Variants in PCDHB6 observed in about 807,000 individuals in gnomAD.
PCDHB6 encodes protocadherin beta-6.
For synonymous variants in PCDHB6, 506 were observed against 459.0 expected, an observed-to-expected ratio of 1.10 and a Z score of -1.31; for missense variants, 1,137 against 1,010.1, an observed-to-expected ratio of 1.13 and a Z score of -1.70.
In PCDHB6 at chr5:141,150,767, A is replaced by C. The variant is rs782671202; in HGVS notation, c.510A>C (p.Thr170=). The part of the protein sequence containing the change: ...DTGSNGLQRY[T]ISSNPHFHVL... The stretch of plus-strand genomic sequence containing the variant: ...GCAGCAACGGCCTTCAGAGGTACAC[A>C]ATCAGCTCCAACCCTCACTTCCACG... The change falls in exon 1 of 1, where the codon ACA becomes ACC. Residue 170 remains threonine, a synonymous_variant. Coordinates refer to ENST00000231136, the MANE Select transcript of PCDHB6 (RefSeq NM_018939.4). 2 of 1,614,220 alleles carry C rather than the reference A, an allele frequency of 1.2e-6. No homozygotes were observed. The highest frequency in any genetic ancestry group is 2.2e-5 in the South Asian group (2 of 91,088).
chr5:141,151,232 A>G lies in PCDHB6; in HGVS notation c.975A>G (p.Leu325=), dbSNP rs1752852002. 2 of 1,614,196 alleles carry G rather than the reference A, an allele frequency of 1.2e-6. No homozygotes were observed. The highest frequency in any genetic ancestry group is 2.7e-5 in the African/African-American group (2 of 75,052). ...VDVEATDGGG[L]SGKCSLVVRV... is the part of the protein sequence containing the mutation. The stretch of plus-strand genomic sequence containing the variant: ...TTGAGGCTACAGATGGTGGAGGCCT[A>G]TCAGGAAAATGCTCTTTAGTCGTCA... Residue 325 remains leucine, a synonymous_variant, in exon 1 of 1, where the codon CTA becomes CTG. Transcript: ENST00000231136.
In PCDHB6 at chr5:141,151,820, C is replaced by T; in HGVS notation, c.1563C>T (p.Ala521=). Residue 521 remains alanine, a synonymous_variant, in exon 1 of 1, where the codon GCC becomes GCT. Coordinates refer to ENST00000231136, the MANE Select transcript of PCDHB6 (RefSeq NM_018939.4). ...LFALRSLDYE[A]LQSFEFRVGA... The stretch of plus-strand genomic sequence containing the variant: ...CCCTCAGGTCGCTGGACTACGAGGC[C>T]CTGCAGTCTTTCGAGTTCCGCGTGG... 1 of 1,612,996 alleles carries T rather than the reference C, an allele frequency of 6.2e-7. No individual in the cohort carries two copies. The highest frequency in any genetic ancestry group is 1.1e-5 in the South Asian group (1 of 91,034).
rs782762909 is a variant in PCDHB6, at chr5:141,152,120, G to A, written c.1863G>A (p.Glu621=). Reference sequence around the variant, plus strand: ...TCGGCGTGTGGGCGCACAATGGCGAGGTGCGCACCGCCAGGCTGCTGAGCG... The same window carrying A: ...TCGGCGTGTGGGCGCACAATGGCGAAGTGCGCACCGCCAGGCTGCTGAGCG... ...GLFGVWAHNG[E]VRTARLLSER... The change falls in exon 1 of 1, where the codon GAG becomes GAA. Residue 621 remains glutamate, a synonymous_variant. Coordinates refer to ENST00000231136, the MANE Select transcript of PCDHB6 (RefSeq NM_018939.4). The A allele has an allele frequency of 7.5e-6, 12 of 1,607,204 alleles. No individual in the cohort carries two copies. The highest frequency in any genetic ancestry group is 2.2e-5 in the East Asian group (1 of 44,856).
rs782160312 is a variant in PCDHB6 at position 141,151,426 on chromosome 5, T to C, written c.1169T>C (p.Leu390Pro). 6.2e-7 allele frequency: 1 copy of C among 1,614,128 alleles called. No homozygotes were observed. Among genetic ancestry groups the C allele is most frequent in the Non-Finnish European group, 8.5e-7 (1 of 1,180,024 alleles). Residue 390 changes from leucine to proline, a missense_variant, in exon 1 of 1, where the codon CTA becomes CCA. Transcript: ENST00000231136. ...TCAATAGAGAACAATCTCCCCTTTC[T>C]ACTAAGACCTTCCGTGGAGAATTTC... ...ICSIENNLPF[L>P]LRPSVENFYT...
chr5:141,151,940 C>A lies in PCDHB6; in HGVS notation c.1683C>A (p.Tyr561Ter). The A allele has an allele frequency of 6.2e-7, 1 of 1,611,360 alleles. No homozygotes were observed. Among genetic ancestry groups the A allele is most frequent in the South Asian group, 1.1e-5 (1 of 90,990 alleles). Residue 561 changes from tyrosine (Y) to a stop codon, truncating the protein, a stop_gained, in exon 1 of 1, where the codon TAC becomes TAA. Transcript: ENST00000231136. LOFTEE classifies it low-confidence loss of function (END_TRUNC). Reference sequence around the variant, plus strand: ...ACGACAACTCGCCCTTCGTGTTGTACCCGCTGCAGAACGGCTCCGCGCCCT... The same window carrying A: ...ACGACAACTCGCCCTTCGTGTTGTAACCGCTGCAGAACGGCTCCGCGCCCT... Reference protein sequence around the residue: ...DANDNSPFVLYPLQNGSAPCT... With the variant: ...DANDNSPFVL
In PCDHB6 at chr5:141,152,081, G is replaced by T; in HGVS notation, c.1824G>T (p.Thr608=). ...AWLSYQLLKA[T]ELGLFGVWAH... is the part of the protein sequence containing the mutation. ...TGTCGTACCAGCTGCTCAAGGCCAC[G>T]GAGCTCGGTCTGTTCGGCGTGTGGG... The change falls in exon 1 of 1, where the codon ACG becomes ACT. Residue 608 remains threonine, a synonymous_variant. Coordinates refer to ENST00000231136, the MANE Select transcript of PCDHB6 (RefSeq NM_018939.4). 1 of 1,606,992 alleles carries T rather than the reference G, an allele frequency of 6.2e-7. No individual in the cohort carries two copies. Among genetic ancestry groups the T allele is most frequent in the Non-Finnish European group, 8.5e-7 (1 of 1,179,646 alleles).
At position 141,151,921 on chromosome 5, in the gene PCDHB6, A is replaced by G. The variant is rs1554277860; in HGVS notation, c.1664A>G (p.Asn555Ser). Residue 555 changes from asparagine (N) to serine (S), a missense_variant, in exon 1 of 1, where the codon AAC becomes AGC. Coordinates refer to ENST00000231136, the MANE Select transcript of PCDHB6 (RefSeq NM_018939.4). ...TTGCTGGTGCTGGACGCCAACGACA[A>G]CTCGCCCTTCGTGTTGTACCCGCTG... ...VRLLVLDANDNSPFVLYPLQN... is the reference protein window; with the variant it reads ...VRLLVLDANDSSPFVLYPLQN... 9.9e-6 allele frequency: 16 copies of G among 1,611,016 alleles called. No homozygotes were observed. The highest frequency in any genetic ancestry group is 1.4e-5 in the Non-Finnish European group (16 of 1,179,646).
Position 141,152,616 on chromosome 5 carries a change from T to C in PCDHB6, c.2359T>C (p.Ser787Pro), listed in dbSNP as rs782536107. 1 of 1,603,858 alleles carries C rather than the reference T, an allele frequency of 6.2e-7. No homozygotes were observed. Among genetic ancestry groups the C allele is most frequent in the South Asian group, 1.1e-5 (1 of 90,392 alleles). ...GAGAGAAATGGAAGAAACCCCCACC[T>C]CTCGGAATAGCTTCCCGTTCAGTTA... ...TEREMEETPT[S>P]RNSFPFS The change falls in exon 1 of 1, where the codon TCT becomes CCT. Residue 787 changes from serine to proline, a missense_variant. Transcript: ENST00000231136.
At position 141,151,229 on chromosome 5, in the gene PCDHB6, C is replaced by A; in HGVS notation, c.972C>A (p.Gly324=). ...DVDVEATDGG[G]LSGKCSLVVR... is the part of the protein sequence containing the mutation. ...ATGTTGAGGCTACAGATGGTGGAGGCCTATCAGGAAAATGCTCTTTAGTCG... is the reference window on the plus strand; with the variant it reads ...ATGTTGAGGCTACAGATGGTGGAGGACTATCAGGAAAATGCTCTTTAGTCG... The change falls in exon 1 of 1, where the codon GGC becomes GGA. Residue 324 remains glycine (G), a synonymous_variant. Coordinates refer to ENST00000231136, the MANE Select transcript of PCDHB6 (RefSeq NM_018939.4). 1 of 1,614,110 alleles carries A rather than the reference C, an allele frequency of 6.2e-7. No homozygotes were observed. The highest frequency in any genetic ancestry group is 8.5e-7 in the Non-Finnish European group (1 of 1,180,030).
At position 141,151,819 on chromosome 5, in the gene PCDHB6, C is replaced by T. The variant is rs782629818; in HGVS notation, c.1562C>T (p.Ala521Val). 2.0e-5 allele frequency: 32 copies of T among 1,612,908 alleles called. No homozygotes were observed. Among genetic ancestry groups the T allele is most frequent in the Non-Finnish European group, 2.5e-5 (30 of 1,179,924 alleles). The change falls in exon 1 of 1, where the codon GCC becomes GTC. Residue 521 changes from alanine to valine, a missense_variant. Physicochemically the swap from Ala to Val is moderately conservative, Grantham distance 64. Transcript: ENST00000231136. ...GCCCTCAGGTCGCTGGACTACGAGGCCCTGCAGTCTTTCGAGTTCCGCGTG... is the reference window on the plus strand; with the variant it reads ...GCCCTCAGGTCGCTGGACTACGAGGTCCTGCAGTCTTTCGAGTTCCGCGTG... ...LFALRSLDYE[A>V]LQSFEFRVGA... is the part of the protein sequence containing the mutation.
chr5:141,150,829 CG>C lies in PCDHB6; in HGVS notation c.574del (p.Glu192SerfsTer4). ...AATCGCAGCGAAGGCAGGAAGTTCC[CG>C]GAGCTGGTGCTAGACAAACCGTTGG... The part of the protein sequence containing the change: ...TRNRSEGRKF[P>X]ELVLDKPLDR... On this transcript the variant is annotated frameshift_variant, in exon 1 of 1. Coordinates refer to ENST00000231136, the MANE Select transcript of PCDHB6 (RefSeq NM_018939.4). LOFTEE classifies it low-confidence loss of function (END_TRUNC). 1 of 1,614,178 alleles carries C rather than the reference CG, an allele frequency of 6.2e-7. No homozygotes were observed. The highest frequency in any genetic ancestry group is 1.1e-5 in the South Asian group (1 of 91,082).
chr5:141,150,830 G>A lies in PCDHB6; in HGVS notation c.573G>A (p.Pro191=), dbSNP rs1554277522. ...TRNRSEGRKF[P]ELVLDKPLDR... ...ATCGCAGCGAAGGCAGGAAGTTCCC[G>A]GAGCTGGTGCTAGACAAACCGTTGG... The change falls in exon 1 of 1, where the codon CCG becomes CCA. Residue 191 remains proline (P), a synonymous_variant. Transcript: ENST00000231136. 1.9e-6 allele frequency: 3 copies of A among 1,614,036 alleles called. No homozygotes were observed. The highest frequency in any genetic ancestry group is 2.7e-5 in the African/African-American group (2 of 74,916).
rs782628396 is a variant in PCDHB6, at chr5:141,152,617, C to T, written c.2360C>T (p.Ser787Phe). Residue 787 changes from serine (S) to phenylalanine (F), a missense_variant, in exon 1 of 1, where the codon TCT becomes TTT. By Grantham distance (155) the Ser-to-Phe change is radical. Transcript: ENST00000231136. Reference protein sequence around the residue: ...TEREMEETPTSRNSFPFS With the variant: ...TEREMEETPTFRNSFPFS ...AGAGAAATGGAAGAAACCCCCACCT[C>T]TCGGAATAGCTTCCCGTTCAGTTAA... 5 of 1,603,406 alleles carry T rather than the reference C, an allele frequency of 3.1e-6. No individual in the cohort carries two copies. The highest frequency in any genetic ancestry group is 4.3e-6 in the Non-Finnish European group (5 of 1,173,566).
Position 141,150,795 on chromosome 5 carries a change from C to G in PCDHB6, c.538C>G (p.Leu180Val), listed in dbSNP as rs1303516934. The G allele has an allele frequency of 1.9e-6, 3 of 1,614,104 alleles. No individual in the cohort carries two copies. The highest frequency in any genetic ancestry group is 2.5e-6 in the Non-Finnish European group (3 of 1,180,058). Reference sequence around the variant, plus strand: ...CAGCTCCAACCCTCACTTCCACGTTCTCACCCGCAATCGCAGCGAAGGCAG... The same window carrying G: ...CAGCTCCAACCCTCACTTCCACGTTGTCACCCGCAATCGCAGCGAAGGCAG... ...TISSNPHFHV[L>V]TRNRSEGRKF... Residue 180 changes from leucine (L) to valine (V), a missense_variant, in exon 1 of 1, where the codon CTC becomes GTC. Leu to Val is a conservative substitution (Grantham distance 32). Coordinates refer to ENST00000231136, the MANE Select transcript of PCDHB6 (RefSeq NM_018939.4).
Position 141,151,826 on chromosome 5 carries a change from G to A in PCDHB6, c.1569G>A (p.Gln523=). 6.2e-7 allele frequency: 1 copy of A among 1,612,850 alleles called. No individual in the cohort carries two copies. The highest frequency in any genetic ancestry group is 8.5e-7 in the Non-Finnish European group (1 of 1,179,890). ...GGTCGCTGGACTACGAGGCCCTGCA[G>A]TCTTTCGAGTTCCGCGTGGGCGCCA... ...ALRSLDYEAL[Q]SFEFRVGATD... Residue 523 remains glutamine, a synonymous_variant, in exon 1 of 1, where the codon CAG becomes CAA. Coordinates refer to ENST00000231136, the MANE Select transcript of PCDHB6 (RefSeq NM_018939.4).
In PCDHB6 at chr5:141,152,218, C is replaced by T; in HGVS notation, c.1961C>T (p.Ala654Val). ...GGCGAGCCTCCGCGCTCGGCCACCG[C>T]CACGCTGCACGTGCTCCTGGTGGAC... is the stretch of plus-strand genomic sequence containing the variant. ...DNGEPPRSAT[A>V]TLHVLLVDGF... The change falls in exon 1 of 1, where the codon GCC becomes GTC. Residue 654 changes from alanine (A) to valine (V), a missense_variant. By Grantham distance (64) the Ala-to-Val change is moderately conservative. Transcript: ENST00000231136. The T allele has an allele frequency of 6.2e-7, 1 of 1,607,030 alleles. No homozygotes were observed. The highest frequency in any genetic ancestry group is 8.5e-7 in the Non-Finnish European group (1 of 1,179,730).
chr5:141,153,125 T>C lies in PCDHB6; in HGVS notation c.*483T>C. The C allele has an allele frequency of 6.0e-6, 1 of 167,248 alleles. No individual in the cohort carries two copies. 10.4% of individuals were successfully genotyped at this position (167,248 alleles called of 1,614,324 possible). On this transcript the variant is annotated 3_prime_UTR_variant, in exon 1 of 1. Transcript: ENST00000231136. ...TAGCCATTCATACTTATGCATATTT[T>C]AGTATCCCATAATAGTCAATCCAAA...
rs61745088 is a variant in PCDHB6, at chr5:141,150,824, G to A, written c.567G>A (p.Lys189=). 8.0e-4 allele frequency: 1,288 copies of A among 1,614,176 alleles called. 8 individuals are homozygous for A. In the African/African-American group the frequency reaches 0.013, roughly 16 times the overall value. Residue 189 remains lysine, a synonymous_variant, in exon 1 of 1, where the codon AAG becomes AAA. Transcript: ENST00000231136. ...VLTRNRSEGR[K]FPELVLDKPL... ...CCCGCAATCGCAGCGAAGGCAGGAA[G>A]TTCCCGGAGCTGGTGCTAGACAAAC...
chr5:141,152,846 TA>T lies in PCDHB6; in HGVS notation c.*207del, dbSNP rs1752922539. ...GGTACTTGACAATATGAACAAAAAG[TA>T]AATTTTTATTTGCATAATTTTAAGC... On this transcript the variant is annotated 3_prime_UTR_variant, in exon 1 of 1. Coordinates refer to ENST00000231136, the MANE Select transcript of PCDHB6 (RefSeq NM_018939.4). 1 of 410,850 alleles carries T rather than the reference TA, an allele frequency of 2.4e-6. No individual in the cohort carries two copies. Among genetic ancestry groups the T allele is most frequent in the Non-Finnish European group, 4.3e-6 (1 of 231,258 alleles). 25.5% of individuals were successfully genotyped at this position (410,850 alleles called of 1,614,324 possible).
Sources: allele counts gnomAD v4.1 joint callset, GRCh38; gene constraint gnomAD v4.1.1; transcripts MANE v1.5; gene names NCBI Gene and HGNC (gene_info 2026-07-23, HGNC 2026-07-21).